CSMD1: variants seen among roughly 807,000 people sequenced by gnomAD.
The protein encoded by CSMD1 is CUB and sushi domain-containing protein 1.
CSMD1 carries 213 observed loss-of-function variants against 417.5 expected under a neutral mutation model. That is an observed-to-expected ratio of 0.51 (90% CI 0.46 to 0.57). CSMD1 has a LOEUF of 0.57. Among genes scored for constraint, CSMD1 ranks in the 20% least tolerant of loss-of-function variants. CSMD1 has a pLI of 0.00. For synonymous variants in CSMD1, 2,862 were observed against 1,736.8 expected (o/e 1.65, Z -16.11); for missense variants, 6,923 against 4,529.7 (o/e 1.53, Z -15.17).
intron 5 of CSMD1, among the ~76,000 whole-genome samples, chr8:3,781,128 T>A (rs55783361): frequency 0.048 from 7,323 of 152,220 alleles, 241 homozygotes; most frequent in Middle Eastern, 0.088. Context: ...ACCTTCAGCT[T>A]TGGAGTTCAT....
intron 1 of CSMD1, among the ~76,000 whole-genome samples, chr8:4,825,480 C>G (rs1275274577): frequency 6.6e-6 from 1 of 151,990 alleles, no homozygotes; most frequent in East Asian, 1.9e-4. Context: ...AACTTTATAC[C>G]TCTTGAAAGA....
At chr8:4,516,516 G>T (rs1331834718) in intron 2 of CSMD1, among the ~76,000 whole-genome samples, 2 of 152,108 alleles carry the variant, frequency 1.3e-5, no homozygotes, top group Non-Finnish European at 2.9e-5. Context: ...CTTCCTTGGG[G>T]AGTTGATGTG....
intron 3 of CSMD1, among the ~76,000 whole-genome samples, chr8:4,331,160 T>A (rs1216134584): frequency 6.6e-6 from 1 of 152,114 alleles, no homozygotes; most frequent in Non-Finnish European, 1.5e-5. Flanking sequence ...CCCAAATTAT[T>A]TGCCTGATAA....
intron 2 of CSMD1, among the ~76,000 whole-genome samples, chr8:4,455,641 G>T (rs1028089477): frequency 6.6e-6 from 1 of 151,682 alleles, no homozygotes; most frequent in African/African-American, 2.4e-5. Flanking sequence ...AACATAAAAC[G>T]CAATTGAGGC....
chr8:3,448,491 G>A (rs767286808), intron 12 of CSMD1, among the ~76,000 whole-genome samples: 1 of 151,624 alleles, frequency 6.6e-6, no homozygotes, highest in South Asian at 2.1e-4. Flanking sequence ...CAAAAAAGGT[G>A]ACTTTTTCCC....
intron 7 of CSMD1, among the ~76,000 whole-genome samples, chr8:3,678,235 C>A (rs1007052426): frequency 6.6e-6 from 1 of 152,166 alleles, no homozygotes; most frequent in African/African-American, 2.4e-5. Flanking sequence ...GATCAAACTT[C>A]TCCGAGCTAA....
intron 3 of CSMD1, among the ~76,000 whole-genome samples, chr8:4,216,624 C>G (rs779893094): frequency 2.0e-5 from 3 of 152,318 alleles, no homozygotes; most frequent in South Asian, 2.1e-4. Context: ...AGTGTGAATG[C>G]TGGGCCTCAC....
chr8:4,089,067 G>A (rs138210159), intron 3 of CSMD1, among the ~76,000 whole-genome samples: 9 of 152,326 alleles, frequency 5.9e-5, no homozygotes, highest in Non-Finnish European at 1.0e-4. Flanking sequence ...TGCCGCCAGA[G>A]CTTCTGACAA....
chr8:3,999,752 T>G (rs1476239554), intron 4 of CSMD1, among the ~76,000 whole-genome samples: 3 of 152,120 alleles, frequency 2.0e-5, no homozygotes, highest in Non-Finnish European at 4.4e-5. Context: ...AGAGGTACAC[T>G]TGGAGGAAAA....
chr8:3,419,656 G>C lies in CSMD1; in HGVS notation c.1562-10051C>G, dbSNP rs371769102. Among the ~76,000 whole-genome samples the C allele has an allele frequency of 2.7e-5, 4 of 149,440 alleles. No homozygotes were observed. The South Asian group carries it at 6.3e-4, about 24-fold the overall frequency. ...ACAGGATTGAGAAGCAAATAAATAGGAAAAAAAAAGTGGAGAAATAATTCA... is the reference window on the plus strand; with the variant it reads ...ACAGGATTGAGAAGCAAATAAATAGCAAAAAAAAAGTGGAGAAATAATTCA... On this transcript the variant is annotated intron_variant, in intron 12 of 69. Coordinates refer to ENST00000635120, the MANE Select transcript of CSMD1 (RefSeq NM_033225.6).
At chr8:4,972,219 T>C (rs200802485) in intron 1 of CSMD1, among the ~76,000 whole-genome samples, 1 of 152,122 alleles carries the variant, frequency 6.6e-6, no homozygotes, top group African/African-American at 2.4e-5. Flanking sequence ...ATGGAAATTT[T>C]TGTGTCCTGT....
At chr8:4,841,302 T>C (rs1374638518) in intron 1 of CSMD1, among the ~76,000 whole-genome samples, 1 of 152,242 alleles carries the variant, frequency 6.6e-6, no homozygotes, top group Middle Eastern at 3.2e-3. Flanking sequence ...TTTTTAAACA[T>C]ATTGAAAACA....
At chr8:3,367,307 G>GAA in intron 19 of CSMD1, 60 bp from the exon 20 acceptor site, 1 of 1,173,074 alleles carries the variant, frequency 8.5e-7, no homozygotes. Flanking sequence ...GGGCGGCGGG[G>GAA]GCAGAGAGGG....
At chr8:4,748,197 C>T (rs540543569) in intron 1 of CSMD1, among the ~76,000 whole-genome samples, 1 of 152,294 alleles carries the variant, frequency 6.6e-6, no homozygotes, top group East Asian at 1.9e-4. Flanking sequence ...AAACATCATG[C>T]TCAAATTCCT....
At chr8:3,746,608 T>C (rs1391418606) in intron 6 of CSMD1, among the ~76,000 whole-genome samples, 1 of 152,358 alleles carries the variant, frequency 6.6e-6, no homozygotes, top group East Asian at 1.9e-4. Flanking sequence ...TTCATTAATT[T>C]AACATCTCTG....
chr8:3,838,907 C>T (rs1204945781), intron 5 of CSMD1, among the ~76,000 whole-genome samples: 1 of 111,190 alleles, frequency 9.0e-6, no homozygotes. Flanking sequence ...AATATATACT[C>T]TAGATATGTA....
At chr8:4,296,206 C>T (rs964017195) in intron 3 of CSMD1, among the ~76,000 whole-genome samples, 3 of 152,178 alleles carry the variant, frequency 2.0e-5, no homozygotes, top group Admixed American at 1.3e-4. Flanking sequence ...AACTCATCTC[C>T]AGCTGGGTCC....
At chr8:3,927,846 C>CT (rs1354075018) in intron 5 of CSMD1, among the ~76,000 whole-genome samples, 1 of 152,088 alleles carries the variant, frequency 6.6e-6, no homozygotes, top group Non-Finnish European at 1.5e-5. Flanking sequence ...TTGGCAGATA[C>CT]TTTTTTATAA....
intron 5 of CSMD1, among the ~76,000 whole-genome samples, chr8:3,861,680 A>G (rs578090416): frequency 6.6e-6 from 1 of 152,178 alleles, no homozygotes; most frequent in South Asian, 2.1e-4. Flanking sequence ...GGTCCAGAGA[A>G]TAGGGTTTTT....
Sources: gnomAD v4.1 joint callset for allele counts (sites outside exome capture counted in the v4.1 genomes callset) on GRCh38, gnomAD v4.1.1 for gene constraint, MANE v1.5 for transcripts, NCBI Gene and HGNC (gene_info 2026-07-23, HGNC 2026-07-21) for gene names.